The following SREK1IP1 variants were observed in gnomAD, a reference collection of about 807,000 sequenced individuals.
The protein encoded by SREK1IP1 is protein SREK1IP1.
Under a neutral mutation model 22.8 loss-of-function variants are expected in SREK1IP1, and 12 were observed. That is an observed-to-expected ratio of 0.53 (90% CI 0.34 to 0.85). The LOEUF (loss-of-function observed/expected upper bound fraction) is 0.85, where lower values mean the gene tolerates loss of function less well. Among genes scored for constraint, SREK1IP1 ranks in the 40% least tolerant of loss-of-function variants. The probability of loss-of-function intolerance (pLI) is 0.02; values close to 1 mark genes in which losing one functional copy is unlikely to be tolerated. For synonymous variants in SREK1IP1, 53 were observed against 52.7 expected, an observed-to-expected ratio of 1.01 and a Z score of -0.02; for missense variants, 147 against 171.8, an observed-to-expected ratio of 0.86 and a Z score of 0.81.
chr5:64,727,549 A>ATT lies in SREK1IP1; in HGVS notation c.278+557_278+558insAA, dbSNP rs1269876433. The ATT allele has an allele frequency of 8.1e-3, 959 of 118,918 alleles. 23 individuals carry two copies. Among genetic ancestry groups the ATT allele is most frequent in the African/African-American group, 0.037 (781 of 20,916 alleles). The allele number at this position is 118,918 out of a possible 1,614,324, so 7.4% of individuals were successfully genotyped here. A position where few individuals can be genotyped will look rare whatever the true frequency, so the allele number is the denominator to read the frequency against. On this transcript the variant is annotated intron_variant, in intron 4 of 4. Transcript: ENST00000513458. ...TAATTACATATATATATATATATAT[A>ATT]TATATTTTTTTTTTTTTGGTGGGCG...
rs867868305 is a variant in SREK1IP1 at position 64,728,150 on chromosome 5, CTTTCT to C, written c.230_234del (p.Lys77ArgfsTer23). On this transcript the variant is annotated frameshift_variant, in exon 4 of 5. Coordinates refer to ENST00000513458, the MANE Select transcript of SREK1IP1 (RefSeq NM_173829.4). LOFTEE classifies it high-confidence loss of function. ...AATTTGATTTTTTCTTTGCTTTTTT[CTTTCT>C]TCTTTTCCTCTTCTTCATTTATTCC... 1.1e-5 allele frequency: 16 copies of C among 1,394,610 alleles called. No individual in the cohort carries two copies. Among genetic ancestry groups the C allele is most frequent in the Non-Finnish European group, 1.5e-5 (16 of 1,067,452 alleles). The allele number at this position is 1,394,610 out of a possible 1,614,324, so 86.4% of individuals were successfully genotyped here.
In SREK1IP1 at chr5:64,724,416, T is replaced by C; in HGVS notation, c.436A>G (p.Thr146Ala). ...KKRKKEKHSS[T>A]PNSSEFSRK ...CTGGAGAATTCAGAACTATTAGGTG[T>C]AGAAGAATGCTTTTCCTTTTTTCTC... is the stretch of plus-strand genomic sequence containing the variant. The change falls in exon 5 of 5, where the codon ACA (threonine) becomes GCA (alanine). Residue 146 changes from threonine (T) to alanine (A), a missense_variant. Thr to Ala is a moderately conservative substitution (Grantham distance 58). Around this residue, in one of 3 missense-constraint regions of SREK1IP1, gnomAD observed 82 missense variants for 81.7 expected, o/e 1.00. Coordinates refer to ENST00000513458, the MANE Select transcript of SREK1IP1 (RefSeq NM_173829.4). 1 of 1,580,650 alleles carries C rather than the reference T, an allele frequency of 6.3e-7. No homozygotes were observed. Among genetic ancestry groups the C allele is most frequent in the Admixed American group, 2.0e-5 (1 of 50,808 alleles).
At chr5:64,734,802 A>C (rs1038931133) in intron 3 of SREK1IP1, among the ~76,000 whole-genome samples, 1 of 152,090 alleles carries the variant, frequency 6.6e-6, no homozygotes, top group African/African-American at 2.4e-5. Flanking sequence ...TAGTTCTAGA[A>C]GCTTTTTTGA....
At chr5:64,735,337 C>A (rs187254044) in intron 3 of SREK1IP1, among the ~76,000 whole-genome samples, 1 of 151,904 alleles carries the variant, frequency 6.6e-6, no homozygotes, top group Non-Finnish European at 1.5e-5. Flanking sequence ...CTCTAACTTT[C>A]TTTTCTTGTA....
At chr5:64,734,195 T>C (rs1404970154) in intron 3 of SREK1IP1, among the ~76,000 whole-genome samples, 1 of 152,128 alleles carries the variant, frequency 6.6e-6, no homozygotes, top group Non-Finnish European at 1.5e-5. Context: ...AAAATTTCGA[T>C]TAAAAAATCA....
At chr5:64,744,315 G>A (rs1221518309) in intron 2 of SREK1IP1, among the ~76,000 whole-genome samples, 2 of 152,100 alleles carry the variant, frequency 1.3e-5, no homozygotes, top group Non-Finnish European at 2.9e-5. Context: ...TAACCTCAAG[G>A]TGCCTGTCTG....
chr5:64,767,148 A>ACGTATCCAGTTCCTC (rs1265881703), intron 1 of SREK1IP1, among the ~76,000 whole-genome samples: 2 of 151,976 alleles, frequency 1.3e-5, no homozygotes, highest in Non-Finnish European at 2.9e-5. Context: ...CTCTTCCTTT[A>ACGTATCCAGTTCCTC]CGTATCCAGT....
At chr5:64,733,404 C>G (rs1320106069) in intron 3 of SREK1IP1, among the ~76,000 whole-genome samples, 1 of 152,092 alleles carries the variant, frequency 6.6e-6, no homozygotes, top group Non-Finnish European at 1.5e-5. Context: ...ATGTTCAGAA[C>G]TCAACATTCA....
At chr5:64,740,430 A>G (rs1742533519) in intron 3 of SREK1IP1, among the ~76,000 whole-genome samples, 2 of 152,140 alleles carry the variant, frequency 1.3e-5, no homozygotes, top group South Asian at 4.1e-4. Flanking sequence ...GCATAAAATG[A>G]GTATGTTTCA....
In SREK1IP1 at chr5:64,741,106, G is replaced by C. The variant is rs542515899; in HGVS notation, c.156C>G (p.Ser52Arg). The C allele has an allele frequency of 3.2e-5, 51 of 1,612,224 alleles. No homozygotes were observed. ...TATTCAGTTCTTCATTCTCTTCATC[G>C]CTATCTTCACTACTTGTACTGCTGA... The part of the protein sequence containing the change: ...LDVSSTSSED[S>R]DEENEELNKL... Residue 52 changes from serine to arginine, a missense_variant, in exon 3 of 5, where the codon AGC (serine) becomes AGG (arginine). By Grantham distance (110) the Ser-to-Arg change is moderately radical. This residue lies in a region of SREK1IP1 where 62 missense variants were observed against 73.3 expected (regional missense o/e 0.85). Coordinates refer to ENST00000513458, the MANE Select transcript of SREK1IP1 (RefSeq NM_173829.4).
At chr5:64,763,515 C>T (rs140033557) in intron 1 of SREK1IP1, among the ~76,000 whole-genome samples, 9,200 of 150,390 alleles carry the variant, frequency 0.061, 903 homozygotes, top group African/African-American at 0.21. Context: ...CCAGCCTGGG[C>T]GACAGAGCGA....
chr5:64,739,303 G>C (rs1157877063), intron 3 of SREK1IP1, among the ~76,000 whole-genome samples: 1 of 152,102 alleles, frequency 6.6e-6, no homozygotes, highest in Non-Finnish European at 1.5e-5. Context: ...GCTATGGTTA[G>C]TGTGTCCCAG....
rs879315669 is a variant in SREK1IP1 at position 64,719,363 on chromosome 5, TAA to T, written c.*5019_*5020del. The T allele has an allele frequency of 2.0e-5, 3 of 152,318 alleles. No homozygotes were observed. Among genetic ancestry groups the T allele is most frequent in the South Asian group, 2.1e-4 (1 of 4,830 alleles). 9.4% of individuals were successfully genotyped at this position (152,318 alleles called of 1,614,324 possible). ...TACTAAAATTGCTTAAAGTATATGT[TAA>T]GTTTGAAAATTAAGACATTTCCATT... On this transcript the variant is annotated 3_prime_UTR_variant, in exon 5 of 5. Transcript: ENST00000513458.
chr5:64,726,100 A>G (rs1742260115), intron 4 of SREK1IP1, among the ~76,000 whole-genome samples: 1 of 151,134 alleles, frequency 6.6e-6, no homozygotes, highest in South Asian at 2.1e-4. Context: ...CAAACTCCAG[A>G]CCTCAGGTGA....
intron 4 of SREK1IP1, among the ~76,000 whole-genome samples, chr5:64,725,281 G>T (rs1183349594): frequency 6.6e-6 from 1 of 151,562 alleles, no homozygotes; most frequent in Non-Finnish European, 1.5e-5. Flanking sequence ...ATAAAAAAAA[G>T]GAAAAGAAAA....
intron 1 of SREK1IP1, among the ~76,000 whole-genome samples, chr5:64,756,818 G>C (rs908185303): frequency 7.2e-5 from 11 of 151,892 alleles, no homozygotes; most frequent in African/African-American, 1.2e-4. Context: ...AGTAGAGATG[G>C]GGTTTCACCA....
intron 2 of SREK1IP1, among the ~76,000 whole-genome samples, chr5:64,747,226 A>G (rs1177565250): frequency 6.6e-6 from 1 of 152,122 alleles, no homozygotes; most frequent in African/African-American, 2.4e-5. Flanking sequence ...ATTAAATTCA[A>G]TCTCTAGCTC....
intron 1 of SREK1IP1, among the ~76,000 whole-genome samples, chr5:64,760,268 T>G (rs1292898256): frequency 6.6e-6 from 1 of 152,244 alleles, no homozygotes; most frequent in Non-Finnish European, 1.5e-5. Context: ...CACTGTCATC[T>G]GGGACAAACA....
intron 1 of SREK1IP1, among the ~76,000 whole-genome samples, chr5:64,758,471 T>C (rs543113991): frequency 9.2e-5 from 14 of 152,356 alleles, no homozygotes; most frequent in Middle Eastern, 3.4e-3. Flanking sequence ...AAAACAAATA[T>C]GTTGTAGCAG....
Sources: gnomAD v4.1 joint callset for allele counts (sites outside exome capture counted in the v4.1 genomes callset) on GRCh38, gnomAD v4.1.1 for gene constraint, gnomAD v4.1.1 regional missense constraint, MANE v1.5 for transcripts, NCBI Gene and HGNC (gene_info 2026-07-23, HGNC 2026-07-21) for gene names.